Variants in ENPP2 observed in about 807,000 individuals in gnomAD.
ENPP2 encodes the protein ectonucleotide pyrophosphatase/phosphodiesterase 2, also known as autotaxin.
A neutral mutation model predicts 120.2 loss-of-function variants in ENPP2; 51 were observed. The observed-to-expected ratio is 0.42, with a 90% confidence interval of 0.34 to 0.54. The LOEUF is 0.54. ENPP2 is among the 20% of genes least tolerant of loss of function. The pLI, the probability that ENPP2 is intolerant of heterozygous loss-of-function variation, is 0.04. For synonymous variants in ENPP2, 365 were observed against 366.4 expected, an observed-to-expected ratio of 1.00 and a Z score of 0.04; for missense variants, 920 against 1,066.5, an observed-to-expected ratio of 0.86 and a Z score of 1.91.
chr8:119,627,561 T>A (rs1035003474), intron 2 of ENPP2, among the ~76,000 whole-genome samples: 37 of 151,746 alleles, frequency 2.4e-4, no homozygotes, highest in East Asian at 7.7e-4. Context: ...AAAAAAAAAA[T>A]TTTTAAGATC....
Position 119,600,671 on chromosome 8 carries a change from C to T in ENPP2, c.972+7G>A. On this transcript the variant is annotated splice_region_variant and intron_variant, in intron 11 of 24. Coordinates refer to ENST00000075322, the MANE Select transcript of ENPP2 (RefSeq NM_001040092.3). ...GATTCTTCTCAGGCAGATGCTAAAC[C>T]ACTAACCTCAGGGCCGAAAGGGCCA... 6.3e-7 allele frequency: 1 copy of T among 1,593,614 alleles called. No homozygotes were observed. Among genetic ancestry groups the T allele is most frequent in the Non-Finnish European group, 8.6e-7 (1 of 1,161,654 alleles).
chr8:119,577,479 G>A (rs958467622), intron 19 of ENPP2, among the ~76,000 whole-genome samples: 2 of 152,200 alleles, frequency 1.3e-5, no homozygotes, highest in Non-Finnish European at 2.9e-5. Context: ...CTGAAGAAAT[G>A]ACCAAGATAG....
intron 2 of ENPP2, among the ~76,000 whole-genome samples, chr8:119,630,058 G>A (rs1406906856): frequency 1.3e-5 from 2 of 151,854 alleles, no homozygotes; most frequent in Non-Finnish European, 2.9e-5. Context: ...ATTTGAAATT[G>A]TCCTGCAACC....
intron 3 of ENPP2, among the ~76,000 whole-genome samples, chr8:119,624,457 T>A (rs1430626283): frequency 6.6e-6 from 1 of 152,290 alleles, no homozygotes; most frequent in East Asian, 1.9e-4. Context: ...TTCAGAAGTA[T>A]AATTTAGTAA....
At chr8:119,622,712 G>T (rs1815990872) in intron 3 of ENPP2, among the ~76,000 whole-genome samples, 1 of 152,030 alleles carries the variant, frequency 6.6e-6, no homozygotes, top group African/African-American at 2.4e-5. Flanking sequence ...TGACCATGGA[G>T]ATAAAATATA....
chr8:119,639,319 C>G (rs1256301734), upstream of ENPP2, among the ~76,000 whole-genome samples: 1 of 152,160 alleles, frequency 6.6e-6, no homozygotes, highest in Non-Finnish European at 1.5e-5. Flanking sequence ...TCTTTCCCAT[C>G]TATTTATTTT....
rs1043737841 is a variant in ENPP2 at position 119,637,130 on chromosome 8, C to A, written c.136+1295G>T. On this transcript the variant is annotated intron_variant, in intron 2 of 24. Coordinates refer to ENST00000075322, the MANE Select transcript of ENPP2 (RefSeq NM_001040092.3). Reference sequence around the variant, plus strand: ...CAAGTTGCTAGCTTTCCCACATGACCATGCTAAGGATCTGATTCCCCTGTC... The same window carrying A: ...CAAGTTGCTAGCTTTCCCACATGACAATGCTAAGGATCTGATTCCCCTGTC... 2.0e-5 allele frequency among the ~76,000 whole-genome samples: 3 copies of A among 152,188 alleles called. No individual in the cohort carries two copies. The South Asian group carries it at 6.2e-4, about 32-fold the overall frequency.
chr8:119,623,436 G>A (rs1305690068), intron 3 of ENPP2, among the ~76,000 whole-genome samples: 1 of 152,120 alleles, frequency 6.6e-6, no homozygotes, highest in South Asian at 2.1e-4. Context: ...TTGCACTCCA[G>A]CATGGGTGAC....
At chr8:119,583,297 G>C (rs1470987347) in intron 17 of ENPP2, among the ~76,000 whole-genome samples, 1 of 152,174 alleles carries the variant, frequency 6.6e-6, no homozygotes, top group African/African-American at 2.4e-5. Flanking sequence ...TCAGCAACTA[G>C]AAGTTCAAGG....
intron 1 of ENPP2, among the ~76,000 whole-genome samples, chr8:119,671,450 G>T (rs1818245470): frequency 6.6e-6 from 1 of 152,206 alleles, no homozygotes; most frequent in Admixed American, 6.5e-5. Context: ...AGTGGTGGGG[G>T]AGGTGGAGAC....
chr8:119,645,580 T>A (rs959687708), intron 1 of ENPP2, among the ~76,000 whole-genome samples: 2 of 152,080 alleles, frequency 1.3e-5, no homozygotes, highest in African/African-American at 2.4e-5. Context: ...ATCCCAGTAC[T>A]TTGGGAGGCC....
At chr8:119,643,697 T>G (rs1368902175), upstream of ENPP2, among the ~76,000 whole-genome samples, 1 of 152,150 alleles carries the variant, frequency 6.6e-6, no homozygotes, top group African/African-American at 2.4e-5. Flanking sequence ...CACACATAGC[T>G]CCTGCTCTCC....
intron 1 of ENPP2, among the ~76,000 whole-genome samples, chr8:119,671,067 A>G (rs910586949): frequency 6.7e-6 from 1 of 149,904 alleles, no homozygotes; most frequent in African/African-American, 2.5e-5. Context: ...CAGGCAGATC[A>G]CTTGAGGTCA....
At chr8:119,638,627 C>A in intron 1 of ENPP2, 100 bp from the exon 2 acceptor site, 1 of 996,400 alleles carries the variant, frequency 1.0e-6, no homozygotes, top group Non-Finnish European at 1.6e-6. Flanking sequence ...ACACCCAATC[C>A]TACCACTTCC....
intron 9 of ENPP2, among the ~76,000 whole-genome samples, chr8:119,601,790 G>C (rs888276375): frequency 6.6e-6 from 1 of 151,998 alleles, no homozygotes; most frequent in Non-Finnish European, 1.5e-5. Context: ...TTATTCTGTC[G>C]AGCCTTTAGC....
At chr8:119,669,539 G>A (rs1427086506) in intron 1 of ENPP2, among the ~76,000 whole-genome samples, 1 of 152,144 alleles carries the variant, frequency 6.6e-6, no homozygotes, top group Non-Finnish European at 1.5e-5. Flanking sequence ...TCTCAAAAAA[G>A]AAAGCATGCC....
At chr8:119,640,808 G>T (rs549524718), upstream of ENPP2, among the ~76,000 whole-genome samples, 277 of 152,166 alleles carry the variant, frequency 1.8e-3, 1 homozygote, top group Non-Finnish European at 2.8e-3. Context: ...GAGTGCAATG[G>T]CTCGATCTCG....
At chr8:119,635,061 G>A (rs776878513) in intron 2 of ENPP2, among the ~76,000 whole-genome samples, 6 of 152,208 alleles carry the variant, frequency 3.9e-5, no homozygotes, top group South Asian at 2.1e-4. Context: ...GCTGATCTAC[G>A]TCCCCTTTAC....
intron 17 of ENPP2, among the ~76,000 whole-genome samples, chr8:119,583,334 T>C (rs769629230): frequency 3.2e-4 from 49 of 152,132 alleles, no homozygotes; most frequent in Non-Finnish European, 6.2e-4. Flanking sequence ...AGCACATAAA[T>C]AGCTGGCCAG....
Sources: gnomAD v4.1 joint callset for allele counts (sites outside exome capture counted in the v4.1 genomes callset) on GRCh38, gnomAD v4.1.1 for gene constraint, MANE v1.5 for transcripts, NCBI Gene and HGNC (gene_info 2026-07-23, HGNC 2026-07-21) for gene names.